ANO3: variants seen among roughly 807,000 people sequenced by gnomAD.
The protein encoded by ANO3 is anoctamin-3.
In ANO3, 99 loss-of-function variants were observed where a neutral mutation model predicts 144.8. The observed-to-expected ratio is 0.68, with a 90% CI of 0.58 to 0.81. The LOEUF is 0.81. Ranked by LOEUF, ANO3 falls within the 30% of genes least tolerant of loss-of-function variation. The probability of loss-of-function intolerance (pLI) is 0.00; values close to 1 mark genes in which losing one functional copy is unlikely to be tolerated. For synonymous variants in ANO3, 414 were observed against 392.6 expected, an observed-to-expected ratio of 1.05 and a Z score of -0.64; for missense variants, 905 against 1,202.2, an observed-to-expected ratio of 0.75 and a Z score of 3.66.
At chr11:26,587,368 A>G (rs1259843668) in intron 14 of ANO3, among the ~76,000 whole-genome samples, 1 of 152,114 alleles carries the variant, frequency 6.6e-6, no homozygotes, top group Non-Finnish European at 1.5e-5. Flanking sequence ...ACCTGAGAGA[A>G]CCTTGAGATC....
At chr11:26,470,428 GA>G (rs556291072) in intron 4 of ANO3, among the ~76,000 whole-genome samples, 9,110 of 132,022 alleles carry the variant, frequency 0.069, 642 homozygotes, top group African/African-American at 0.19. Flanking sequence ...AAAAAAAACA[GA>G]AAAAAAAAAA....
chr11:26,215,463 C>T (rs1852018359), intron 1 of ANO3, among the ~76,000 whole-genome samples: 1 of 151,522 alleles, frequency 6.6e-6, no homozygotes, highest in African/African-American at 2.4e-5. Context: ...ATTTTTTTTT[C>T]CCCCTATTGG....
chr11:26,506,306 A>T (rs1055364406), intron 4 of ANO3, among the ~76,000 whole-genome samples: 10 of 152,186 alleles, frequency 6.6e-5, no homozygotes, highest in Admixed American at 6.5e-4. Flanking sequence ...TAAGGTATCA[A>T]CTTGGTCAAA....
chr11:26,610,610 C>T (rs1012541637), intron 17 of ANO3, among the ~76,000 whole-genome samples: 1 of 152,118 alleles, frequency 6.6e-6, no homozygotes, highest in African/African-American at 2.4e-5. Flanking sequence ...AGCCCAAAGT[C>T]ATACAGCATT....
intron 14 of ANO3, chr11:26,571,983 G>C: frequency 1.6e-6 from 1 of 642,922 alleles, no homozygotes; most frequent in Non-Finnish European, 1.9e-6. Context: ...AAGGAAGAGA[G>C]AGAGTAGAGA....
chr11:26,634,757 G>T (rs1275818585), intron 19 of ANO3, among the ~76,000 whole-genome samples: 1 of 152,146 alleles, frequency 6.6e-6, no homozygotes, highest in Non-Finnish European at 1.5e-5. Flanking sequence ...TCAACAAAAC[G>T]TTAAGACTCT....
At chr11:26,436,925 G>GCTCCAGTATTC (rs1198968587) in intron 1 of ANO3, among the ~76,000 whole-genome samples, 1 of 152,082 alleles carries the variant, frequency 6.6e-6, no homozygotes, top group Non-Finnish European at 1.5e-5. Flanking sequence ...TTGTAGAACT[G>GCTCCAGTATTC]CTCCAGTATT....
At position 26,593,198 on chromosome 11, in the gene ANO3, C is replaced by G. The variant is rs564410127; in HGVS notation, c.1448-5167C>G. 5.9e-5 allele frequency among the ~76,000 whole-genome samples: 9 copies of G among 152,268 alleles called. No individual in the cohort carries two copies. The South Asian group carries it at 8.3e-4, about 14-fold the overall frequency. ...CTTTCTCTCCATATTGCTGCGTGGG[C>G]ATAGGGGACTAGGTAAGCATACTTA... is the stretch of plus-strand genomic sequence containing the variant. On this transcript the variant is annotated intron_variant, in intron 14 of 26. Transcript: ENST00000256737.
chr11:26,545,990 A>G (rs1849776867), intron 11 of ANO3, among the ~76,000 whole-genome samples: 1 of 151,932 alleles, frequency 6.6e-6, no homozygotes, highest in Admixed American at 6.6e-5. Flanking sequence ...TTAACCTTCA[A>G]CAATGTGTAA....
At chr11:26,460,218 T>C (rs1859336162) in intron 3 of ANO3, 6 of 345,270 alleles carry the variant, frequency 1.7e-5, no homozygotes, top group Non-Finnish European at 2.8e-5. Flanking sequence ...ACTTCTGTTA[T>C]ATATTTTTTC....
intron 1 of ANO3, among the ~76,000 whole-genome samples, chr11:26,430,120 G>C (rs1366011122): frequency 6.6e-6 from 1 of 151,908 alleles, no homozygotes; most frequent in Non-Finnish European, 1.5e-5. Context: ...GATTAACCAG[G>C]CATGATGATA....
chr11:26,327,210 C>T (rs1222649761), upstream of ANO3, among the ~76,000 whole-genome samples: 6 of 152,130 alleles, frequency 3.9e-5, no homozygotes, highest in South Asian at 8.3e-4. Context: ...ATCATCTTTT[C>T]GGCACCATGA....
chr11:26,405,245 G>T (rs1237730050), intron 1 of ANO3, among the ~76,000 whole-genome samples: 1 of 151,640 alleles, frequency 6.6e-6, no homozygotes, highest in Non-Finnish European at 1.5e-5. Context: ...AGTTCCTGAT[G>T]CTTGAAATAA....
chr11:26,567,127 C>T, intron 14 of ANO3: 2 of 1,434,650 alleles, frequency 1.4e-6, no homozygotes, highest in Non-Finnish European at 1.8e-6. Context: ...CTCACAATGG[C>T]TAGTAACAGA....
chr11:26,517,484 A>G (rs1048345422), intron 6 of ANO3, among the ~76,000 whole-genome samples: 2 of 151,980 alleles, frequency 1.3e-5, no homozygotes, highest in African/African-American at 4.8e-5. Context: ...CCCTATATTG[A>G]GTATCTTGTG....
In ANO3 at chr11:26,446,344, T is replaced by C. The variant is rs146354686; in HGVS notation, c.313+2508T>C. Among the ~76,000 whole-genome samples, 149 of 152,338 alleles carry C rather than the reference T, an allele frequency of 9.8e-4. 2 individuals carry two copies. In the East Asian group the frequency reaches 0.025, roughly 26 times the overall value. On this transcript the variant is annotated intron_variant, in intron 3 of 26. Transcript: ENST00000256737. ...GCGTGCAGAGTACCAGGTTCCTGCA[T>C]TGGGCTGATTATTGCATGGGAATTT...
chr11:26,220,180 C>A (rs748118481), intron 1 of ANO3, among the ~76,000 whole-genome samples: 1 of 152,176 alleles, frequency 6.6e-6, no homozygotes, highest in African/African-American at 2.4e-5. Flanking sequence ...GTGACTTCCC[C>A]AAATCTGGAG....
chr11:26,645,288 CTTA>C (rs1853309327), intron 23 of ANO3, among the ~76,000 whole-genome samples: 1 of 151,844 alleles, frequency 6.6e-6, no homozygotes, highest in Non-Finnish European at 1.5e-5. Flanking sequence ...AATTTTTGAA[CTTA>C]TTTTGTTTCT....
At chr11:26,512,182 A>G (rs565998676) in intron 5 of ANO3, among the ~76,000 whole-genome samples, 2 of 152,346 alleles carry the variant, frequency 1.3e-5, no homozygotes, top group East Asian at 1.9e-4. Flanking sequence ...CTTGAATGCT[A>G]TGAGCTATCT....
Sources: allele counts gnomAD v4.1 joint callset (sites outside exome capture counted in the v4.1 genomes callset), GRCh38; gene constraint gnomAD v4.1.1; transcripts MANE v1.5; gene names NCBI Gene and HGNC (gene_info 2026-07-23, HGNC 2026-07-21).